The following NAV2 variants were observed in gnomAD, a reference collection of about 807,000 sequenced individuals.
The protein encoded by NAV2 is helicase, APC down-regulated 1.
A neutral mutation model predicts 223.2 loss-of-function variants in NAV2; 54 were observed. The ratio of observed to expected loss-of-function variants is 0.24; its 90% CI spans 0.19 to 0.30. The LOEUF is 0.30. Among genes scored for constraint, NAV2 ranks in the 10% least tolerant of loss-of-function variants. The pLI is 1.00. For missense variants in NAV2, 2,806 were observed against 3,147.5 expected (o/e 0.89, Z 2.60); for synonymous variants, 1,279 against 1,239.3 (o/e 1.03, Z -0.67).
intron 10 of NAV2, among the ~76,000 whole-genome samples, chr11:19,952,542 G>T (rs576895489): frequency 2.6e-5 from 4 of 152,360 alleles, no homozygotes; most frequent in Admixed American, 2.6e-4. Flanking sequence ...TAGCCTTGAT[G>T]TATGAGTAAT....
chr11:19,773,548 C>G (rs1287205922), intron 1 of NAV2, among the ~76,000 whole-genome samples: 1 of 152,086 alleles, frequency 6.6e-6, no homozygotes, highest in African/African-American at 2.4e-5. Context: ...AAGCATTGTT[C>G]CATGTGGTCA....
chr11:19,363,744 T>C (rs1026366141), intron 1 of NAV2, among the ~76,000 whole-genome samples: 1 of 152,216 alleles, frequency 6.6e-6, no homozygotes, highest in Non-Finnish European at 1.5e-5. Flanking sequence ...AGACCACCTG[T>C]ACCTCTCACT....
chr11:19,651,185 T>G (rs2047960494), intron 1 of NAV2, among the ~76,000 whole-genome samples: 1 of 152,128 alleles, frequency 6.6e-6, no homozygotes, highest in African/African-American at 2.4e-5. Context: ...AAAAAGCCAT[T>G]AGGTTTGTAG....
intron 3 of NAV2, among the ~76,000 whole-genome samples, chr11:19,859,808 C>T (rs1368835818): frequency 6.8e-6 from 1 of 146,696 alleles, no homozygotes; most frequent in Admixed American, 6.7e-5. Flanking sequence ...GGCGGCTGGC[C>T]GGGCGGGGGG....
At chr11:19,835,563 T>A (rs576995139) in intron 2 of NAV2, among the ~76,000 whole-genome samples, 1 of 152,196 alleles carries the variant, frequency 6.6e-6, no homozygotes, top group East Asian at 1.9e-4. Context: ...CTGACTAGGA[T>A]GCTGAACTAT....
At chr11:19,728,010 C>G (rs1174580461) in intron 1 of NAV2, among the ~76,000 whole-genome samples, 1 of 152,222 alleles carries the variant, frequency 6.6e-6, no homozygotes, top group East Asian at 1.9e-4. Flanking sequence ...TCCAGCCACT[C>G]TGGAGTCCAG....
chr11:20,096,849 G>T (rs2061309400), intron 30 of NAV2, among the ~76,000 whole-genome samples: 1 of 152,172 alleles, frequency 6.6e-6, no homozygotes, highest in African/African-American at 2.4e-5. Context: ...TCCGACCTAG[G>T]CCAAAAACTT....
At chr11:19,604,972 G>A (rs1371491066) in intron 1 of NAV2, among the ~76,000 whole-genome samples, 2 of 152,136 alleles carry the variant, frequency 1.3e-5, no homozygotes, top group Non-Finnish European at 2.9e-5. Context: ...GGCCTCCCCA[G>A]CCATGTGGAA....
At chr11:19,600,852 T>A (rs1005191059) in intron 1 of NAV2, among the ~76,000 whole-genome samples, 14 of 152,244 alleles carry the variant, frequency 9.2e-5, no homozygotes, top group African/African-American at 3.4e-4. Flanking sequence ...CTGAAGGTTT[T>A]ATAGCCAGCA....
rs531062433 is a variant in NAV2, at chr11:20,058,967, G to A, written c.4831+3010G>A. On this transcript the variant is annotated intron_variant, in intron 19 of 37. Coordinates refer to ENST00000349880, the MANE Select transcript of NAV2 (RefSeq NM_145117.5). ...CTCATTTTTTTAATGGCCAAATTGA[G>A]GCAAAAGTGACTTGAAGACTTTATG... is the stretch of plus-strand genomic sequence containing the variant. Among the ~76,000 whole-genome samples, 107 of 152,144 alleles carry A rather than the reference G, an allele frequency of 7.0e-4. 1 individual carries two copies. The highest frequency in any genetic ancestry group is 6.4e-3 in the South Asian group (31 of 4,818).
intron 1 of NAV2, among the ~76,000 whole-genome samples, chr11:19,556,554 T>C (rs1405717719): frequency 6.6e-6 from 1 of 152,210 alleles, no homozygotes; most frequent in Non-Finnish European, 1.5e-5. Flanking sequence ...TGTTTTTAAA[T>C]GCCTGAAATA....
At chr11:19,792,762 G>A (rs1250011708) in intron 1 of NAV2, among the ~76,000 whole-genome samples, 2 of 152,140 alleles carry the variant, frequency 1.3e-5, no homozygotes, top group Admixed American at 6.6e-5. Context: ...GAAGCATCAT[G>A]CCAGAGCACA....
rs550209552 is a variant in NAV2, at chr11:19,957,691, C to T, written c.2645+8611C>T. Among the ~76,000 whole-genome samples the T allele has an allele frequency of 4.6e-5, 7 of 152,334 alleles. No homozygotes were observed. The South Asian group carries it at 1.5e-3, about 32-fold the overall frequency. Reference sequence around the variant, plus strand: ...AAAGAATAGCTGAGCTGCTAGCCCACTGGAGGAGGAGAAATTCTCCAGCAC... The same window carrying T: ...AAAGAATAGCTGAGCTGCTAGCCCATTGGAGGAGGAGAAATTCTCCAGCAC... On this transcript the variant is annotated intron_variant, in intron 10 of 37. Coordinates refer to ENST00000349880, the MANE Select transcript of NAV2 (RefSeq NM_145117.5).
chr11:19,905,347 C>T (rs1005970138), intron 6 of NAV2, among the ~76,000 whole-genome samples: 20 of 143,184 alleles, frequency 1.4e-4, no homozygotes, highest in African/African-American at 2.6e-5. Flanking sequence ...GTGTGGTTTC[C>T]ACCATTTAAC....
At chr11:19,689,245 G>GA (rs1449032731) in intron 1 of NAV2, among the ~76,000 whole-genome samples, 7 of 152,242 alleles carry the variant, frequency 4.6e-5, no homozygotes, top group Non-Finnish European at 7.3e-5. Flanking sequence ...GCCAGAGGTG[G>GA]AAAATCTGTA....
upstream of NAV2, among the ~76,000 whole-genome samples, chr11:19,346,422 G>A (rs530987568): frequency 9.2e-5 from 14 of 152,312 alleles, no homozygotes; most frequent in Non-Finnish European, 1.3e-4. Flanking sequence ...CCCACGCTCC[G>A]GTTAGCTGCG....
At chr11:19,641,071 C>G (rs1312375188) in intron 1 of NAV2, among the ~76,000 whole-genome samples, 1 of 152,140 alleles carries the variant, frequency 6.6e-6, no homozygotes, top group Non-Finnish European at 1.5e-5. Context: ...GAAAGCTTTC[C>G]AGAGACTGTT....
chr11:19,884,487 C>A, intron 5 of NAV2: 1 of 762,178 alleles, frequency 1.3e-6, no homozygotes, highest in Non-Finnish European at 2.2e-6. Context: ...TTCGAGAAAA[C>A]TAAATGTGCT....
At chr11:19,898,541 G>A (rs1435231421) in intron 6 of NAV2, among the ~76,000 whole-genome samples, 1 of 152,134 alleles carries the variant, frequency 6.6e-6, no homozygotes, top group Non-Finnish European at 1.5e-5. Flanking sequence ...CTTCCTAATA[G>A]TCACATAATA....
Sources: gnomAD v4.1 joint callset for allele counts (sites outside exome capture counted in the v4.1 genomes callset) on GRCh38, gnomAD v4.1.1 for gene constraint, MANE v1.5 for transcripts, NCBI Gene and HGNC (gene_info 2026-07-23, HGNC 2026-07-21) for gene names.